SLC9C1: variants seen among roughly 807,000 people sequenced by gnomAD.
SLC9C1 encodes solute carrier family 9 member C1, also known as sodium/hydrogen exchanger 10.
In SLC9C1, 97 loss-of-function variants were observed where a neutral mutation model predicts 140.9. The observed-to-expected ratio is 0.69, with a 90% CI of 0.58 to 0.82. The LOEUF (loss-of-function observed/expected upper bound fraction) is 0.82. Among genes scored for constraint, SLC9C1 ranks in the 40% least tolerant of loss-of-function variants. SLC9C1 has a pLI of 0.00. For missense variants in SLC9C1, 1,340 were observed against 1,389.3 expected (o/e 0.96, Z 0.56); for synonymous variants, 440 against 442.6 (o/e 0.99, Z 0.07).
intron 28 of SLC9C1, among the ~76,000 whole-genome samples, chr3:112,150,761 T>C (rs2074933974): frequency 7.0e-6 from 1 of 142,068 alleles, no homozygotes; most frequent in Admixed American, 7.2e-5. Flanking sequence ...AATATATATA[T>C]AAAAATACAT....
At chr3:112,259,862 C>T (rs2079722380) in intron 10 of SLC9C1, among the ~76,000 whole-genome samples, 1 of 152,130 alleles carries the variant, frequency 6.6e-6, no homozygotes, top group Admixed American at 6.6e-5. Context: ...TATGTTGTTA[C>T]CTACAGACTT....
At chr3:112,265,655 C>G (rs1374738016) in intron 8 of SLC9C1, among the ~76,000 whole-genome samples, 12 of 152,214 alleles carry the variant, frequency 7.9e-5, no homozygotes, top group Non-Finnish European at 5.9e-5. Flanking sequence ...TGGCTGATAA[C>G]TACTCACCCC....
chr3:112,201,882 G>A (rs73853329), intron 18 of SLC9C1, among the ~76,000 whole-genome samples: 8,243 of 152,020 alleles, frequency 0.054, 266 homozygotes, highest in South Asian at 0.088. Flanking sequence ...GGCATTATGA[G>A]GAAGCCCTGT....
chr3:112,238,795 G>A lies in SLC9C1; in HGVS notation c.1446+1045C>T, dbSNP rs570243547. On this transcript the variant is annotated intron_variant, in intron 12 of 28. Transcript: ENST00000305815. ...CGAATATTGCTGAACAGGCAATGTTGCTGTCTGATTGTTCCTCTGGAGGTT... is the reference window on the plus strand; with the variant it reads ...CGAATATTGCTGAACAGGCAATGTTACTGTCTGATTGTTCCTCTGGAGGTT... 4.6e-5 allele frequency among the ~76,000 whole-genome samples: 7 copies of A among 152,310 alleles called. No individual in the cohort carries two copies. The East Asian group carries it at 1.4e-3, about 29-fold the overall frequency.
At chr3:112,186,923 G>A (rs900016226) in intron 20 of SLC9C1, among the ~76,000 whole-genome samples, 3 of 152,100 alleles carry the variant, frequency 2.0e-5, no homozygotes, top group Non-Finnish European at 4.4e-5. Flanking sequence ...CTTTAACCTA[G>A]CATTGTTATA....
intron 12 of SLC9C1, among the ~76,000 whole-genome samples, chr3:112,233,562 A>G (rs1317468932): frequency 6.6e-6 from 1 of 151,954 alleles, no homozygotes; most frequent in Non-Finnish European, 1.5e-5. Context: ...TACATGTGCC[A>G]TGTTGGTGTG....
chr3:112,211,238 T>G (rs1159091948), intron 15 of SLC9C1, among the ~76,000 whole-genome samples: 2 of 152,224 alleles, frequency 1.3e-5, no homozygotes, highest in East Asian at 1.9e-4. Flanking sequence ...AGTTCCAAGA[T>G]AGCCGAATAG....
intron 13 of SLC9C1, 116 bp from the exon 14 acceptor site, chr3:112,221,341 G>A: frequency 2.3e-6 from 2 of 859,236 alleles, no homozygotes; most frequent in South Asian, 1.7e-5. Flanking sequence ...TAGTCTGTTT[G>A]TAAAAAGAAT....
chr3:112,178,973 A>G (rs191010833), intron 23 of SLC9C1, among the ~76,000 whole-genome samples: 19 of 152,378 alleles, frequency 1.2e-4, no homozygotes, highest in African/African-American at 3.8e-4. Flanking sequence ...TTTCAAAGTA[A>G]TAAAATGATA....
intron 10 of SLC9C1, among the ~76,000 whole-genome samples, chr3:112,249,910 CTA>C (rs967693126): frequency 2.0e-5 from 3 of 151,632 alleles, no homozygotes; most frequent in African/African-American, 7.3e-5. Flanking sequence ...TCGATGTTTT[CTA>C]TGTTTTTTTT....
At chr3:112,287,153 A>T (rs2080533092) in intron 1 of SLC9C1, among the ~76,000 whole-genome samples, 1 of 152,224 alleles carries the variant, frequency 6.6e-6, no homozygotes, top group Non-Finnish European at 1.5e-5. Context: ...TGAAAGAAGG[A>T]TTCTCCATCT....
Position 112,185,909 on chromosome 3 carries a change from C to T in SLC9C1, c.2524-3651G>A. ...GGGGGCTCTCAGCCACCACCACGTA[C>T]CGCCCCGCCGGGAAATAGCCAGGCG... On this transcript the variant is annotated intron_variant, in intron 20 of 28. Coordinates refer to ENST00000305815, the MANE Select transcript of SLC9C1 (RefSeq NM_183061.3). The T allele has an allele frequency of 1.2e-5, 19 of 1,578,232 alleles. No homozygotes were observed. The South Asian group carries it at 1.8e-4, about 15-fold the overall frequency.
intron 23 of SLC9C1, among the ~76,000 whole-genome samples, chr3:112,171,157 T>C (rs1215433642): frequency 6.6e-6 from 1 of 151,722 alleles, no homozygotes; most frequent in East Asian, 1.9e-4. Context: ...GAGGTTGCAG[T>C]GAGCTGAGAT....
At chr3:112,156,877 GT>G (rs1428717234) in intron 26 of SLC9C1, among the ~76,000 whole-genome samples, 2 of 151,744 alleles carry the variant, frequency 1.3e-5, no homozygotes, top group African/African-American at 4.8e-5. Context: ...TCAAGTACTT[GT>G]GTTTTTGCTA....
chr3:112,149,530 A>C, intron 28 of SLC9C1, among the ~76,000 whole-genome samples: 1 of 152,004 alleles, frequency 6.6e-6, no homozygotes, highest in Non-Finnish European at 1.5e-5. Flanking sequence ...GAACCAGGCA[A>C]ATGGGTGCCC....
At chr3:112,229,500 C>T (rs1028101206) in intron 13 of SLC9C1, among the ~76,000 whole-genome samples, 2 of 151,916 alleles carry the variant, frequency 1.3e-5, no homozygotes, top group Non-Finnish European at 2.9e-5. Context: ...ACCCTCTTGA[C>T]CCTAAATTTA....
intron 5 of SLC9C1, among the ~76,000 whole-genome samples, chr3:112,277,165 T>C (rs1433902175): frequency 2.0e-5 from 3 of 152,156 alleles, no homozygotes; most frequent in Admixed American, 1.3e-4. Flanking sequence ...ATTGAGTTGG[T>C]ATTTTACTTT....
chr3:112,279,402 G>C (rs1032533345), intron 3 of SLC9C1, among the ~76,000 whole-genome samples: 1 of 152,120 alleles, frequency 6.6e-6, no homozygotes, highest in Non-Finnish European at 1.5e-5. Context: ...AATAAAGATA[G>C]TATCTCCCTC....
chr3:112,276,160 C>A (rs888161637), intron 5 of SLC9C1, among the ~76,000 whole-genome samples: 5 of 152,046 alleles, frequency 3.3e-5, no homozygotes, highest in Admixed American at 3.3e-4. Flanking sequence ...TTTAAGCCAC[C>A]ACATTTGGAG....
Sources: allele counts gnomAD v4.1 joint callset (sites outside exome capture counted in the v4.1 genomes callset), GRCh38; gene constraint gnomAD v4.1.1; transcripts MANE v1.5; gene names NCBI Gene and HGNC (gene_info 2026-07-23, HGNC 2026-07-21).